SOX5: variants seen among roughly 807,000 people sequenced by gnomAD.
SOX5 encodes the protein SRY-box transcription factor 5.
Under a neutral mutation model 92.0 loss-of-function variants are expected in SOX5, and 9 were observed. The observed-to-expected ratio is 0.10, with a 90% confidence interval of 0.06 to 0.17. The LOEUF is 0.17. Ranked by LOEUF, SOX5 falls within the 10% of genes least tolerant of loss-of-function variation. The pLI, the probability that SOX5 is intolerant of heterozygous loss-of-function variation, is 1.00. For missense variants in SOX5, 642 were observed against 944.5 expected (o/e 0.68, Z 4.20); for synonymous variants, 344 against 336.3 (o/e 1.02, Z -0.25).
intron 1 of SOX5, among the ~76,000 whole-genome samples, chr12:24,468,533 GA>G: frequency 6.6e-6 from 1 of 152,138 alleles, no homozygotes; most frequent in South Asian, 2.1e-4. Context: ...ATTGATCCCA[GA>G]CCTCAGAAAA....
intron 4 of SOX5, among the ~76,000 whole-genome samples, chr12:24,097,220 A>G (rs1945531651): frequency 6.6e-6 from 1 of 152,096 alleles, no homozygotes; most frequent in African/African-American, 2.4e-5. Context: ...CCATTTTTAA[A>G]TTGGATCTTT....
At chr12:23,683,861 A>G (rs1279164997) in intron 6 of SOX5, among the ~76,000 whole-genome samples, 1 of 152,010 alleles carries the variant, frequency 6.6e-6, no homozygotes, top group Non-Finnish European at 1.5e-5. Flanking sequence ...TTTGAGTAGA[A>G]TGGAAAAAAA....
intron 1 of SOX5, among the ~76,000 whole-genome samples, chr12:24,543,563 G>A (rs1387470259): frequency 1.3e-5 from 2 of 152,118 alleles, no homozygotes; most frequent in African/African-American, 4.8e-5. Flanking sequence ...TGGTACGCGT[G>A]TGTGGTCTCA....
chr12:24,553,855 G>T (rs1358704289), intron 1 of SOX5, among the ~76,000 whole-genome samples: 1 of 152,234 alleles, frequency 6.6e-6, no homozygotes, highest in Non-Finnish European at 1.5e-5. Context: ...TTTACATGCT[G>T]ATAGATCTCT....
intron 6 of SOX5, 50 bp downstream of exon 6, chr12:23,734,634 A>G: frequency 7.4e-7 from 1 of 1,354,432 alleles, no homozygotes; most frequent in Non-Finnish European, 1.0e-6. Context: ...GATAAGAAAC[A>G]GAATATATAT....
chr12:23,704,715 T>TATAC (rs1434949526), intron 6 of SOX5, among the ~76,000 whole-genome samples: 4 of 108,382 alleles, frequency 3.7e-5, no homozygotes, highest in African/African-American at 1.3e-4. Flanking sequence ...TATATATATA[T>TATAC]ACACACACAC....
chr12:24,184,831 T>A (rs973717379), intron 4 of SOX5, among the ~76,000 whole-genome samples: 1 of 152,096 alleles, frequency 6.6e-6, no homozygotes, highest in Non-Finnish European at 1.5e-5. Context: ...GAAATCAGAT[T>A]TTTGGCTCAA....
intron 11 of SOX5, among the ~76,000 whole-genome samples, chr12:23,547,970 T>G (rs1307279245): frequency 1.3e-5 from 2 of 152,072 alleles, no homozygotes; most frequent in Non-Finnish European, 2.9e-5. Flanking sequence ...CAGACTTTCT[T>G]TACAGTAAAT....
At chr12:23,953,586 C>A (rs1236248255), upstream of SOX5, among the ~76,000 whole-genome samples, 1 of 151,844 alleles carries the variant, frequency 6.6e-6, no homozygotes, top group Non-Finnish European at 1.5e-5. Flanking sequence ...TATAACAATT[C>A]TAATTATATA....
At chr12:23,735,367 C>T (rs1279916406) in intron 5 of SOX5, among the ~76,000 whole-genome samples, 1 of 151,988 alleles carries the variant, frequency 6.6e-6, no homozygotes, top group East Asian at 1.9e-4. Context: ...TTTCAGTTGT[C>T]GTCTTTTGAC....
At position 24,350,237 on chromosome 12, in the gene SOX5, C is replaced by A. The variant is rs568308546; in HGVS notation, c.-174+18326G>T. Reference sequence around the variant, plus strand: ...GTAGAAACCTTAGAACTTAGTAGGGCGTAGGGCCCAGCCAGCACAGAGATC... The same window carrying A: ...GTAGAAACCTTAGAACTTAGTAGGGAGTAGGGCCCAGCCAGCACAGAGATC... On this transcript the variant is annotated intron_variant, in intron 2 of 4. Coordinates refer to the SOX5 transcript ENST00000446891. Among the ~76,000 whole-genome samples, 237 of 152,292 alleles carry A rather than the reference C, an allele frequency of 1.6e-3. 2 individuals carry two copies. The Middle Eastern group carries it at 0.024, about 15-fold the overall frequency.
At chr12:24,314,606 C>T (rs1019246331) in intron 2 of SOX5, among the ~76,000 whole-genome samples, 4 of 152,102 alleles carry the variant, frequency 2.6e-5, no homozygotes, top group East Asian at 3.8e-4. Flanking sequence ...ACCCTATCAA[C>T]GCTTCCCATC....
intron 1 of SOX5, among the ~76,000 whole-genome samples, chr12:24,485,496 T>C (rs909551011): frequency 3.3e-5 from 5 of 152,186 alleles, no homozygotes; most frequent in African/African-American, 1.2e-4. Context: ...AAGGCTCCAA[T>C]TCGCAGTTTC....
intron 1 of SOX5, among the ~76,000 whole-genome samples, chr12:24,481,193 A>C (rs1437819863): frequency 6.6e-6 from 1 of 152,186 alleles, no homozygotes; most frequent in African/African-American, 2.4e-5. Flanking sequence ...TTATGTGTGC[A>C]ATCTGAAAAT....
At chr12:24,032,160 T>C (rs1228446067) in intron 4 of SOX5, among the ~76,000 whole-genome samples, 3 of 151,784 alleles carry the variant, frequency 2.0e-5, no homozygotes, top group Non-Finnish European at 4.4e-5. Context: ...GGAAATAAAC[T>C]ATGGGCAAAT....
At chr12:23,790,962 A>C (rs1250793457) in intron 3 of SOX5, among the ~76,000 whole-genome samples, 1 of 152,218 alleles carries the variant, frequency 6.6e-6, no homozygotes, top group East Asian at 1.9e-4. Flanking sequence ...TGGCATTTCA[A>C]CTTGGGAAAA....
At chr12:24,544,455 G>T (rs1440051763) in intron 1 of SOX5, among the ~76,000 whole-genome samples, 1 of 152,096 alleles carries the variant, frequency 6.6e-6, no homozygotes, top group African/African-American at 2.4e-5. Flanking sequence ...AAGCATTCTG[G>T]GATATAAGGC....
intron 3 of SOX5, among the ~76,000 whole-genome samples, chr12:24,214,957 T>C (rs1260747502): frequency 6.6e-6 from 1 of 152,096 alleles, no homozygotes; most frequent in African/African-American, 2.4e-5. Flanking sequence ...TGATTTACCA[T>C]ATAAATATCA....
At chr12:24,009,277 G>A (rs1004860273) in intron 4 of SOX5, among the ~76,000 whole-genome samples, 1 of 152,178 alleles carries the variant, frequency 6.6e-6, no homozygotes, top group Non-Finnish European at 1.5e-5. Flanking sequence ...TTAAGCCTCT[G>A]AGTGTTGGGT....
Sources: gnomAD v4.1 joint callset for allele counts (sites outside exome capture counted in the v4.1 genomes callset) on GRCh38, gnomAD v4.1.1 for gene constraint, MANE v1.5 for transcripts, NCBI Gene and HGNC (gene_info 2026-07-23, HGNC 2026-07-21) for gene names.